The following INPP5F variants were observed in gnomAD, a reference collection of about 807,000 sequenced individuals.
INPP5F encodes inositol polyphosphate-5-phosphatase F.
INPP5F carries 97 observed loss-of-function variants against 137.2 expected under a neutral mutation model. The ratio of observed to expected loss-of-function variants is 0.71; its 90% confidence interval spans 0.60 to 0.84. The LOEUF is 0.84. INPP5F is among the 40% of genes least tolerant of loss of function. The probability of loss-of-function intolerance (pLI) is 0.00; values close to 1 mark genes in which losing one functional copy is unlikely to be tolerated. For synonymous variants in INPP5F, 504 were observed against 476.9 expected, an observed-to-expected ratio of 1.06 and a Z score of -0.74; for missense variants, 1,271 against 1,371.9, an observed-to-expected ratio of 0.93 and a Z score of 1.16.
At chr10:119,752,370 A>C (rs1848712016) in intron 2 of INPP5F, among the ~76,000 whole-genome samples, 1 of 152,166 alleles carries the variant, frequency 6.6e-6, no homozygotes, top group Admixed American at 6.5e-5. Flanking sequence ...GGATCATCTG[A>C]GGTCGGGAGT....
chr10:119,768,664 A>G (rs1027051392), intron 2 of INPP5F: 9 of 152,262 alleles, frequency 5.9e-5, no homozygotes, highest in Non-Finnish European at 1.0e-4. Flanking sequence ...ACCATTTCCC[A>G]GCCTCTCTGT....
At chr10:119,785,889 G>A (rs1849892349) in intron 3 of INPP5F, among the ~76,000 whole-genome samples, 3 of 151,968 alleles carry the variant, frequency 2.0e-5, no homozygotes, top group Admixed American at 2.0e-4. Flanking sequence ...CCTGTATAAG[G>A]GTATGAAGAA....
chr10:119,827,734 T>G lies in INPP5F; in HGVS notation c.3353T>G (p.Leu1118Arg), dbSNP rs1314870443. ...EIINQVQQNE[L>R]KKMFIQCQTR... ...ATTAATCAAGTCCAGCAAAATGAAC[T>G]TAAAAAGATGTTTATACAATGCCAG... The change falls in exon 20 of 20, where the codon CTT becomes CGT. Residue 1118 changes from leucine (L) to arginine (R), a missense_variant. This residue lies in a region of INPP5F where 490 missense variants were observed against 443.7 expected (regional missense o/e 1.10). Coordinates refer to ENST00000650623, the MANE Select transcript of INPP5F (RefSeq NM_014937.4). 1 of 1,613,508 alleles carries G rather than the reference T, an allele frequency of 6.2e-7. No individual in the cohort carries two copies. Among genetic ancestry groups the G allele is most frequent in the East Asian group, 2.2e-5 (1 of 44,888 alleles).
chr10:119,755,564 C>T (rs929942685), intron 2 of INPP5F, among the ~76,000 whole-genome samples: 3 of 152,160 alleles, frequency 2.0e-5, no homozygotes, highest in Non-Finnish European at 4.4e-5. Context: ...TAGCCCATAA[C>T]GGAACATAAT....
chr10:119,769,437 T>C (rs1246098201), intron 2 of INPP5F, among the ~76,000 whole-genome samples: 1 of 152,102 alleles, frequency 6.6e-6, no homozygotes, highest in African/African-American at 2.4e-5. Context: ...CTGGCAGTGA[T>C]GTTTAATTTT....
At chr10:119,750,276 A>G (rs1259423485) in intron 1 of INPP5F, among the ~76,000 whole-genome samples, 1 of 152,230 alleles carries the variant, frequency 6.6e-6, no homozygotes, top group Non-Finnish European at 1.5e-5. Flanking sequence ...CAAGACAAAT[A>G]TTGTTTTCAT....
At position 119,826,758 on chromosome 10, in the gene INPP5F, T is replaced by A; in HGVS notation, c.2377T>A (p.Ser793Thr). 1 of 1,613,852 alleles carries A rather than the reference T, an allele frequency of 6.2e-7. No homozygotes were observed. ...SLNQKVKQTK[S>T]NVNIGNLRKL... ...AAATCAAAAAGTGAAGCAGACCAAA[T>A]CCAATGTAAATATTGGCAACCTCCG... is the stretch of plus-strand genomic sequence containing the variant. Residue 793 changes from serine to threonine, a missense_variant, in exon 20 of 20, where the codon TCC (serine) becomes ACC (threonine). Physicochemically the swap from Ser to Thr is moderately conservative, Grantham distance 58 (BLOSUM62 1). Around this residue, in one of 6 missense-constraint regions of INPP5F, gnomAD observed 490 missense variants for 443.7 expected, o/e 1.10. Transcript: ENST00000650623.
At chr10:119,769,426 T>C (rs1439442376) in intron 2 of INPP5F, among the ~76,000 whole-genome samples, 2 of 152,142 alleles carry the variant, frequency 1.3e-5, no homozygotes, top group African/African-American at 4.8e-5. Context: ...CACCACCGGA[T>C]CTGGCAGTGA....
chr10:119,790,949 TTAAC>T (rs1260147327), intron 3 of INPP5F, among the ~76,000 whole-genome samples: 3 of 152,222 alleles, frequency 2.0e-5, no homozygotes, highest in East Asian at 3.8e-4. Flanking sequence ...TTCTTCAAGT[TTAAC>T]TAATCTCCGG....
Position 119,826,992 on chromosome 10 carries a change from G to A in INPP5F, c.2611G>A (p.Glu871Lys). 1 of 1,614,188 alleles carries A rather than the reference G, an allele frequency of 6.2e-7. No homozygotes were observed. The highest frequency in any genetic ancestry group is 2.2e-5 in the East Asian group (1 of 44,884). The change falls in exon 20 of 20, where the codon GAA (glutamate) becomes AAA (lysine). Residue 871 changes from glutamate (E) to lysine (K), a missense_variant. Glu to Lys is a moderately conservative substitution (Grantham distance 56). This residue lies in a region of INPP5F where 490 missense variants were observed against 443.7 expected (regional missense o/e 1.10). Coordinates refer to ENST00000650623, the MANE Select transcript of INPP5F (RefSeq NM_014937.4). ...DEFLTNSKSD[E>K]DRQLANSLES... ...ATTCCTTACAAATTCTAAGTCTGAT[G>A]AAGACAGGCAGCTAGCTAACTCATT...
chr10:119,798,276 C>T (rs1046743498), intron 8 of INPP5F, among the ~76,000 whole-genome samples: 6 of 151,824 alleles, frequency 4.0e-5, no homozygotes, highest in Non-Finnish European at 8.8e-5. Flanking sequence ...TTATAAACTA[C>T]GTGAAAACTT....
rs1851826780 is a variant in INPP5F, at chr10:119,827,674, C to T, written c.3293C>T (p.Ser1098Leu). The change falls in exon 20 of 20, where the codon TCA (serine) becomes TTA (leucine). Residue 1098 changes from serine (S) to leucine (L), a missense_variant. Around this residue, in one of 6 missense-constraint regions of INPP5F, gnomAD observed 490 missense variants for 443.7 expected, o/e 1.10. Coordinates refer to ENST00000650623, the MANE Select transcript of INPP5F (RefSeq NM_014937.4). ...GLTHGINFAVSKVQKSPPEPE... is the reference protein window; with the variant it reads ...GLTHGINFAVLKVQKSPPEPE... ...ACCCATGGGATAAACTTTGCAGTGT[C>T]AAAAGTTCAGAAGAGTCCTCCAGAA... The T allele has an allele frequency of 6.2e-7, 1 of 1,613,874 alleles. No homozygotes were observed. Among genetic ancestry groups the T allele is most frequent in the African/African-American group, 1.3e-5 (1 of 74,870 alleles).
intron 2 of INPP5F, among the ~76,000 whole-genome samples, chr10:119,753,744 C>A (rs1181054070): frequency 6.6e-6 from 1 of 152,064 alleles, no homozygotes; most frequent in Non-Finnish European, 1.5e-5. Context: ...CTGTGAGTCC[C>A]GAATGAGATT....
intron 2 of INPP5F, among the ~76,000 whole-genome samples, chr10:119,764,918 A>T (rs1849112429): frequency 6.7e-6 from 1 of 149,640 alleles, no homozygotes; most frequent in Non-Finnish European, 1.5e-5. Context: ...TCTCTAGCTT[A>T]CTTTATTTAT....
intron 1 of INPP5F, among the ~76,000 whole-genome samples, chr10:119,726,978 ATGT>A (rs1451694568): frequency 1.3e-5 from 2 of 152,154 alleles, no homozygotes; most frequent in South Asian, 2.1e-4. Context: ...GTGTGACTTG[ATGT>A]TGTGCGACAC....
At chr10:119,806,811 CTT>C (rs35213192) in intron 12 of INPP5F, among the ~76,000 whole-genome samples, 29 of 143,172 alleles carry the variant, frequency 2.0e-4, no homozygotes, top group Admixed American at 3.5e-4. Context: ...TACTGCATTT[CTT>C]TTTTTTTTTT....
chr10:119,785,703 T>C (rs920444577), intron 3 of INPP5F, among the ~76,000 whole-genome samples: 3 of 152,032 alleles, frequency 2.0e-5, no homozygotes, highest in Middle Eastern at 3.4e-3. Flanking sequence ...TATGAAAAAT[T>C]TAAAAATTAG....
chr10:119,750,895 GC>G (rs1474304936), intron 1 of INPP5F, among the ~76,000 whole-genome samples, 180 bp from the exon 2 acceptor site: 1 of 152,168 alleles, frequency 6.6e-6, no homozygotes, highest in Admixed American at 6.5e-5. Flanking sequence ...TGTATCCCAA[GC>G]CTTATTCAGG....
At chr10:119,740,712 T>G (rs527709764) in intron 1 of INPP5F, among the ~76,000 whole-genome samples, 1 of 152,200 alleles carries the variant, frequency 6.6e-6, no homozygotes, top group African/African-American at 2.4e-5. Context: ...CCAGCTAATT[T>G]TTGTGTTTTT....
Sources: allele counts gnomAD v4.1 joint callset (sites outside exome capture counted in the v4.1 genomes callset), GRCh38; gene constraint gnomAD v4.1.1; regional missense constraint gnomAD v4.1.1; transcripts MANE v1.5; gene names NCBI Gene and HGNC (gene_info 2026-07-23, HGNC 2026-07-21).